Variants in THSD4 observed in about 807,000 individuals in gnomAD.
THSD4 encodes thrombospondin type 1 domain containing 4.
THSD4 carries 69 observed loss-of-function variants against 119.0 expected under a neutral mutation model. The ratio of observed to expected loss-of-function variants is 0.58; its 90% CI spans 0.48 to 0.71. The LOEUF (loss-of-function observed/expected upper bound fraction) is 0.71, where lower values mean the gene tolerates loss of function less well. Among genes scored for constraint, THSD4 ranks in the 30% least tolerant of loss-of-function variants. The pLI is 0.00. For synonymous variants in THSD4, 524 were observed against 540.4 expected (o/e 0.97, Z 0.42); for missense variants, 1,393 against 1,391.1 (o/e 1.00, Z -0.02).
chr15:71,336,018 C>G (rs958901549), intron 6 of THSD4, among the ~76,000 whole-genome samples: 7 of 152,298 alleles, frequency 4.6e-5, no homozygotes, highest in African/African-American at 1.7e-4. Context: ...GAATCTCAAT[C>G]ATTGGGGAGA....
At chr15:71,696,535 A>G (rs1003622951) in intron 8 of THSD4, among the ~76,000 whole-genome samples, 2 of 152,190 alleles carry the variant, frequency 1.3e-5, no homozygotes, top group Admixed American at 6.5e-5. Flanking sequence ...TATTGAAACT[A>G]TAGCATAGCT....
In THSD4 at chr15:71,737,866, T is replaced by A; in HGVS notation, c.1765T>A (p.Phe589Ile). 6.2e-7 allele frequency: 1 copy of A among 1,614,226 alleles called. No homozygotes were observed. The highest frequency in any genetic ancestry group is 1.1e-5 in the South Asian group (1 of 91,088). ...EMFTSESAQT[F>I]PVRHPDRFSP... ...GTTCACCTCAGAATCGGCACAGACCTTCCCAGTCAGGCATCCAGACAGATT... is the reference window on the plus strand; with the variant it reads ...GTTCACCTCAGAATCGGCACAGACCATCCCAGTCAGGCATCCAGACAGATT... Residue 589 changes from phenylalanine to isoleucine, a missense_variant, in exon 11 of 18, where the codon TTC becomes ATC. Transcript: ENST00000261862.
intron 7 of THSD4, among the ~76,000 whole-genome samples, chr15:71,489,763 C>A (rs72731099): frequency 5.9e-5 from 9 of 151,988 alleles, no homozygotes; most frequent in Non-Finnish European, 1.3e-4. Flanking sequence ...ACATGAAAGA[C>A]GGGAGAATGC....
At chr15:71,124,887 CA>C (rs2040439624) in intron 1 of THSD4, among the ~76,000 whole-genome samples, 1 of 151,968 alleles carries the variant, frequency 6.6e-6, no homozygotes, top group Non-Finnish European at 1.5e-5. Flanking sequence ...TACAAAACAT[CA>C]AACTATTAGC....
intron 6 of THSD4, among the ~76,000 whole-genome samples, chr15:71,391,264 C>T (rs780344369): frequency 3.1e-4 from 47 of 152,028 alleles, no homozygotes; most frequent in Non-Finnish European, 5.9e-4. Flanking sequence ...CTCCTGACCT[C>T]GTGATCCGCC....
intron 3 of THSD4, among the ~76,000 whole-genome samples, chr15:71,166,485 A>T (rs1351774229): frequency 6.6e-6 from 1 of 152,178 alleles, no homozygotes; most frequent in Admixed American, 6.5e-5. Flanking sequence ...GAGGACTGGG[A>T]GACCCTTTTA....
intron 2 of THSD4, among the ~76,000 whole-genome samples, chr15:71,144,489 A>G (rs1472611158): frequency 6.6e-6 from 1 of 152,212 alleles, no homozygotes; most frequent in Non-Finnish European, 1.5e-5. Context: ...ATAAAGATCA[A>G]TTGGAGAAGC....
At chr15:71,136,398 ATGT>A (rs1361845803) in intron 1 of THSD4, among the ~76,000 whole-genome samples, 1 of 152,056 alleles carries the variant, frequency 6.6e-6, no homozygotes, top group Non-Finnish European at 1.5e-5. Flanking sequence ...CATATTGGTG[ATGT>A]TGGTACAGAC....
intron 6 of THSD4, among the ~76,000 whole-genome samples, chr15:71,293,676 T>C (rs781719551): frequency 3.9e-5 from 6 of 152,198 alleles, no homozygotes; most frequent in Non-Finnish European, 7.3e-5. Flanking sequence ...TTACAACGCT[T>C]TCCTCTACTT....
At chr15:71,602,843 G>A (rs2050040346) in intron 7 of THSD4, among the ~76,000 whole-genome samples, 1 of 152,196 alleles carries the variant, frequency 6.6e-6, no homozygotes, top group Non-Finnish European at 1.5e-5. Flanking sequence ...CTACTGAGTT[G>A]TACATTTTAA....
intron 1 of THSD4, among the ~76,000 whole-genome samples, chr15:71,123,587 T>C (rs987175588): frequency 7.2e-5 from 11 of 152,146 alleles, no homozygotes; most frequent in Non-Finnish European, 1.6e-4. Flanking sequence ...AGTAATAGTA[T>C]ACTTACAGCC....
At chr15:71,657,881 T>A (rs1017873040) in intron 7 of THSD4, among the ~76,000 whole-genome samples, 1 of 152,208 alleles carries the variant, frequency 6.6e-6, no homozygotes, top group Non-Finnish European at 1.5e-5. Context: ...ATTCACAAGA[T>A]CAAATAACAT....
chr15:71,385,516 G>A (rs898189132), intron 6 of THSD4, among the ~76,000 whole-genome samples: 7 of 152,174 alleles, frequency 4.6e-5, no homozygotes, highest in African/African-American at 1.7e-4. Flanking sequence ...ACACAAAAAG[G>A]GAAGGATTGT....
Position 71,136,360 on chromosome 15 carries a change from T to C in THSD4, c.-79-5089T>C, listed in dbSNP as rs2040552223. On this transcript the variant is annotated intron_variant, in intron 1 of 17. Transcript: ENST00000261862. ...ATGGTCAAGGTTGCATAAGGAGAGT[T>C]TGCGTAAATGTCAGCAGGACAGGAG... Among the ~76,000 whole-genome samples, 3 of 151,798 alleles carry C rather than the reference T, an allele frequency of 2.0e-5. No homozygotes were observed. The South Asian group carries it at 6.3e-4, about 32-fold the overall frequency.
Position 71,137,274 on chromosome 15 carries a change from C to G in THSD4, c.-79-4175C>G, listed in dbSNP as rs762720730. Among the ~76,000 whole-genome samples, 3 of 152,188 alleles carry G rather than the reference C, an allele frequency of 2.0e-5. No homozygotes were observed. In the East Asian group the frequency reaches 5.8e-4, roughly 29 times the overall value. ...GGATATTTGGGAACCCTCACTCTTT[C>G]CAGGTCCCTCCCTGCTCTACAACCT... On this transcript the variant is annotated intron_variant, in intron 1 of 17. Transcript: ENST00000261862.
At chr15:71,377,914 A>ACAAACAC (rs57687864) in intron 6 of THSD4, among the ~76,000 whole-genome samples, 1 of 146,148 alleles carries the variant, frequency 6.8e-6, no homozygotes, top group East Asian at 2.0e-4. Flanking sequence ...ACACACACAC[A>ACAAACAC]ATTTCCTTCA....
intron 3 of THSD4, among the ~76,000 whole-genome samples, chr15:71,208,216 A>G (rs2043860748): frequency 6.6e-6 from 1 of 152,210 alleles, no homozygotes; most frequent in Non-Finnish European, 1.5e-5. Context: ...AGAGGTGACT[A>G]CAGACCTAAG....
chr15:71,502,762 C>CTTTT (rs1001292376), intron 7 of THSD4, among the ~76,000 whole-genome samples: 12 of 152,312 alleles, frequency 7.9e-5, no homozygotes, highest in Non-Finnish European at 1.5e-4. Flanking sequence ...TGCTGTACCT[C>CTTTT]TTTAGGGAGA....
At chr15:71,336,236 C>T (rs1428164412) in intron 6 of THSD4, among the ~76,000 whole-genome samples, 1 of 152,186 alleles carries the variant, frequency 6.6e-6, no homozygotes, top group Non-Finnish European at 1.5e-5. Context: ...ATGTTACAAC[C>T]TTGGTCTGAG....
Sources: allele counts gnomAD v4.1 joint callset (sites outside exome capture counted in the v4.1 genomes callset), GRCh38; gene constraint gnomAD v4.1.1; transcripts MANE v1.5; gene names NCBI Gene and HGNC (gene_info 2026-07-23, HGNC 2026-07-21).